Variants in CASZ1 observed in about 807,000 individuals in gnomAD.
CASZ1 encodes castor zinc finger 1, also known as zinc finger protein castor homolog 1.
In CASZ1, 28 loss-of-function variants were observed where a neutral mutation model predicts 135.2. That is an observed-to-expected ratio of 0.21 (90% confidence interval 0.15 to 0.28). The LOEUF is 0.28. CASZ1 is among the 10% of genes least tolerant of loss of function. CASZ1 has a pLI of 1.00. For synonymous variants in CASZ1, 1,068 were observed against 1,073.4 expected, an observed-to-expected ratio of 0.99 and a Z score of 0.10; for missense variants, 2,161 against 2,453.3, an observed-to-expected ratio of 0.88 and a Z score of 2.52.
chr1:10,778,873 C>T (rs1170215528), intron 1 of CASZ1, among the ~76,000 whole-genome samples: 2 of 152,222 alleles, frequency 1.3e-5, no homozygotes, highest in Non-Finnish European at 2.9e-5. Flanking sequence ...GAGGTCTCTG[C>T]TCCCAGCCTG....
chr1:10,725,603 A>T lies in CASZ1; in HGVS notation c.-76-20059T>A, dbSNP rs1639581875. On this transcript the variant is annotated intron_variant, in intron 2 of 20. Coordinates refer to ENST00000377022, the MANE Select transcript of CASZ1 (RefSeq NM_001079843.3). The surrounding 1 kb of genome is among the most constrained non-coding windows in gnomAD (Gnocchi z 4.4). ...TTTAGGTAATCCACTCCAGATTTTG[A>T]TATTAACCTTTGAAACTGGAGTTCA... Among the ~76,000 whole-genome samples the T allele has an allele frequency of 1.3e-5, 2 of 152,322 alleles. No homozygotes were observed. The highest frequency in any genetic ancestry group is 1.3e-4 in the Admixed American group (2 of 15,306).
At chr1:10,745,892 AAC>A (rs1640030872) in intron 2 of CASZ1, among the ~76,000 whole-genome samples, 1 of 152,212 alleles carries the variant, frequency 6.6e-6, no homozygotes, top group Admixed American at 6.5e-5. Flanking sequence ...CTCCTATTCA[AAC>A]ACAAGGTGTG....
chr1:10,654,555 C>T lies in CASZ1; in HGVS notation c.1702G>A (p.Val568Met), dbSNP rs1557472389. Residue 568 changes from valine (V) to methionine (M), a missense_variant, in exon 10 of 21, where the codon GTG becomes ATG. Coordinates refer to ENST00000377022, the MANE Select transcript of CASZ1 (RefSeq NM_001079843.3). ...CNKVYTSTSD[V>M]MTHENFHKKN... ...TTGTGGAAGTTCTCGTGGGTCATCA[C>T]GTCAGACGTGCTCGTGTACACCTTG... The T allele has an allele frequency of 4.3e-6, 7 of 1,614,128 alleles. No individual in the cohort carries two copies. The highest frequency in any genetic ancestry group is 5.1e-6 in the Non-Finnish European group (6 of 1,180,052).
At position 10,755,541 on chromosome 1, in the gene CASZ1, G is replaced by A. The variant is rs954715486; in HGVS notation, c.-77+5160C>T. ...CACCCGCCGAGAAGTCCCCCGAGTA[G>A]CTCCAGACAGGGCAGGTGCCCCCAG... On this transcript the variant is annotated intron_variant, in intron 2 of 20. Transcript: ENST00000377022. The surrounding 1 kb of genome is among the most constrained non-coding windows in gnomAD (Gnocchi z 4.3). Among the ~76,000 whole-genome samples, 2 of 152,096 alleles carry A rather than the reference G, an allele frequency of 1.3e-5. No homozygotes were observed. Among genetic ancestry groups the A allele is most frequent in the South Asian group, 2.1e-4 (1 of 4,824 alleles).
At chr1:10,649,036 G>C in intron 15 of CASZ1, 34 bp downstream of exon 15, 1 of 1,607,442 alleles carries the variant, frequency 6.2e-7, no homozygotes, top group Non-Finnish European at 8.5e-7. Context: ...GATCCGTGGG[G>C]CTCTGTGGAA....
intron 1 of CASZ1, among the ~76,000 whole-genome samples, chr1:10,793,433 G>C (rs1465995042): frequency 1.3e-5 from 2 of 152,000 alleles, no homozygotes; most frequent in African/African-American, 2.4e-5. Flanking sequence ...TCCAAGTCTC[G>C]GCAAGGTGCA....
rs1456660398 is a variant in CASZ1, at chr1:10,701,621, G to A, written c.-24+3871C>T. 6.6e-6 allele frequency among the ~76,000 whole-genome samples: 1 copy of A among 152,184 alleles called. No individual in the cohort carries two copies. The highest frequency in any genetic ancestry group is 1.5e-5 in the Non-Finnish European group (1 of 68,024). On this transcript the variant is annotated intron_variant, in intron 3 of 20. Transcript: ENST00000377022. The surrounding 1 kb of genome is among the most constrained non-coding windows in gnomAD (Gnocchi z 6.3). ...AGAGGAAGTACCACCAGGGCTAAGGGGAGCTTCTGTCCTGCTCCTCCAGCC... is the reference window on the plus strand; with the variant it reads ...AGAGGAAGTACCACCAGGGCTAAGGAGAGCTTCTGTCCTGCTCCTCCAGCC...
intron 17 of CASZ1, 144 bp from the exon 18 acceptor site, chr1:10,645,232 G>A: frequency 1.3e-6 from 1 of 756,382 alleles, no homozygotes; most frequent in East Asian, 2.7e-5. Flanking sequence ...CCTTTCACAT[G>A]TTAAAAAGCA....
rs959139497 is a variant in CASZ1 at position 10,697,600 on chromosome 1, C to G, written c.-23-3688G>C. ...TCGCTGGTTCCTGTTACCCCCCCCG[C>G]ACCCCCAAGTTGCCCACCTACACTC... On this transcript the variant is annotated intron_variant, in intron 3 of 20. Coordinates refer to ENST00000377022, the MANE Select transcript of CASZ1 (RefSeq NM_001079843.3). The surrounding 1 kb of genome is among the most constrained non-coding windows in gnomAD (Gnocchi z 4.7). Among the ~76,000 whole-genome samples the G allele has an allele frequency of 2.0e-5, 3 of 151,752 alleles. No individual in the cohort carries two copies. Among genetic ancestry groups the G allele is most frequent in the African/African-American group, 7.3e-5 (3 of 41,296 alleles).
At chr1:10,684,186 T>C (rs1570471464) in intron 4 of CASZ1, among the ~76,000 whole-genome samples, 1 of 110,584 alleles carries the variant, frequency 9.0e-6, no homozygotes, top group African/African-American at 3.6e-5. Flanking sequence ...GGTGGGGGAG[T>C]GAGGGGCTTG....
chr1:10,730,137 A>G (rs1639677236), intron 2 of CASZ1, among the ~76,000 whole-genome samples: 1 of 141,036 alleles, frequency 7.1e-6, no homozygotes, highest in Non-Finnish European at 1.5e-5. Context: ...TTCAGACAGG[A>G]TCTTGCTCTG....
chr1:10,728,051 C>T (rs762556162), intron 2 of CASZ1, among the ~76,000 whole-genome samples: 7 of 152,278 alleles, frequency 4.6e-5, no homozygotes, highest in African/African-American at 1.4e-4. Flanking sequence ...GTCAACACAT[C>T]GCGGTGGTAG....
chr1:10,643,120 C>T (rs370166118), intron 19 of CASZ1, 40 bp downstream of exon 19: 16 of 1,603,612 alleles, frequency 1.0e-5, no homozygotes, highest in African/African-American at 5.4e-5. Flanking sequence ...GATGCGTTCC[C>T]GCCACCCTGG....
chr1:10,724,052 G>A lies in CASZ1; in HGVS notation c.-76-18508C>T, dbSNP rs1422465659. ...TGGATTCCTGGTGAGGACAAGTCCA[G>A]TTTTCCAAACCGACCTTGGAGCTCT... On this transcript the variant is annotated intron_variant, in intron 2 of 20. Coordinates refer to ENST00000377022, the MANE Select transcript of CASZ1 (RefSeq NM_001079843.3). This position sits in a 1 kb window ranked among gnomAD's most constrained non-coding sequence, Gnocchi z 4.1. 6.6e-6 allele frequency among the ~76,000 whole-genome samples: 1 copy of A among 152,198 alleles called. No individual in the cohort carries two copies. The highest frequency in any genetic ancestry group is 1.9e-4 in the East Asian group (1 of 5,194).
rs528708266 is a variant in CASZ1, at chr1:10,707,333, G to A, written c.-76-1789C>T. Among the ~76,000 whole-genome samples the A allele has an allele frequency of 4.6e-5, 7 of 152,266 alleles. No homozygotes were observed. Among genetic ancestry groups the A allele is most frequent in the East Asian group, 1.9e-4 (1 of 5,184 alleles). ...TAAACAGACTGACCGGAATGATAAC[G>A]ACTTGCAGCGCGGTGTTGCCGTCCC... is the stretch of plus-strand genomic sequence containing the variant. On this transcript the variant is annotated intron_variant, in intron 2 of 20. Coordinates refer to ENST00000377022, the MANE Select transcript of CASZ1 (RefSeq NM_001079843.3). The surrounding 1 kb of genome is among the most constrained non-coding windows in gnomAD (Gnocchi z 5.0).
At chr1:10,734,079 C>T (rs1188604712) in intron 2 of CASZ1, among the ~76,000 whole-genome samples, 1 of 152,200 alleles carries the variant, frequency 6.6e-6, no homozygotes, top group Non-Finnish European at 1.5e-5. Context: ...TGGTACATCC[C>T]CAGCCCTGCT....
chr1:10,778,750 A>G (rs919374271), intron 1 of CASZ1, among the ~76,000 whole-genome samples: 2 of 152,180 alleles, frequency 1.3e-5, no homozygotes, highest in Admixed American at 1.3e-4. Context: ...CCCCTGGCAG[A>G]GAGCGGCTTC....
In CASZ1 at chr1:10,679,926, C is replaced by G. The variant is rs1383656626; in HGVS notation, c.16+13948G>C. 6.6e-6 allele frequency among the ~76,000 whole-genome samples: 1 copy of G among 152,316 alleles called. No individual in the cohort carries two copies. Among genetic ancestry groups the G allele is most frequent in the East Asian group, 1.9e-4 (1 of 5,168 alleles). ...TCCAGCATCCCTACCCATTACCCGTCCCAAACCCAGCTGCCAAGTGAGGGA... is the reference window on the plus strand; with the variant it reads ...TCCAGCATCCCTACCCATTACCCGTGCCAAACCCAGCTGCCAAGTGAGGGA... On this transcript the variant is annotated intron_variant, in intron 4 of 20. Transcript: ENST00000377022. The surrounding 1 kb of genome is among the most constrained non-coding windows in gnomAD (Gnocchi z 4.7).
Position 10,741,290 on chromosome 1 carries a change from G to C in CASZ1, c.-77+19411C>G, listed in dbSNP as rs1639917349. On this transcript the variant is annotated intron_variant, in intron 2 of 20. Transcript: ENST00000377022. This position sits in a 1 kb window ranked among gnomAD's most constrained non-coding sequence, Gnocchi z 5.0. ...GAGCCACTGCGCCTGGCTCTATATT[G>C]GGCTTTAAACGACATGAGGGCAGGG... Among the ~76,000 whole-genome samples the C allele has an allele frequency of 6.6e-6, 1 of 152,150 alleles. No homozygotes were observed. The highest frequency in any genetic ancestry group is 1.5e-5 in the Non-Finnish European group (1 of 68,026).
Sources: gnomAD v4.1 joint callset for allele counts (sites outside exome capture counted in the v4.1 genomes callset) on GRCh38, gnomAD v4.1.1 for gene constraint, Gnocchi (gnomAD v3.1) non-coding constraint, MANE v1.5 for transcripts, NCBI Gene and HGNC (gene_info 2026-07-23, HGNC 2026-07-21) for gene names.